The following PLA2G2A variants were observed in gnomAD, a reference collection of about 807,000 sequenced individuals.
The protein encoded by PLA2G2A is phospholipase A2 group IIA, also known as phospholipase A2, membrane associated.
A neutral mutation model predicts 11.2 loss-of-function variants in PLA2G2A; 6 were observed. That is an observed-to-expected ratio of 0.54 (90% CI 0.29 to 1.06). PLA2G2A has a LOEUF of 1.06. PLA2G2A is among the 50% of genes least tolerant of loss of function. PLA2G2A has a pLI of 0.08. For missense variants in PLA2G2A, 133 were observed against 177.1 expected, an observed-to-expected ratio of 0.75 and a Z score of 1.41; for synonymous variants, 69 against 65.8, an observed-to-expected ratio of 1.05 and a Z score of -0.23.
chr1:19,978,718 C>T lies in PLA2G2A; in HGVS notation c.40+16G>A, dbSNP rs748028386. ...GGGCTGTCCCCCCATGCTCAGAGGT[C>T]AGGGTCAGCTCTTACCAAAGATCAT... On this transcript the variant is annotated intron_variant, in intron 2 of 4. Coordinates refer to ENST00000482011, the Ensembl canonical transcript of PLA2G2A. The T allele has an allele frequency of 6.2e-7, 1 of 1,613,928 alleles. No homozygotes were observed. The highest frequency in any genetic ancestry group is 8.5e-7 in the Non-Finnish European group (1 of 1,179,812).
Position 19,978,364 on chromosome 1 carries a change from G to A in PLA2G2A, c.185+16C>T, listed in dbSNP as rs2307246. The A allele has an allele frequency of 0.21, 330,354 of 1,608,878 alleles. 36,779 individuals carry two copies. The highest frequency in any genetic ancestry group is 0.23 in the Non-Finnish European group (271,636 of 1,177,626). Reference sequence around the variant, plus strand: ...GGCCAGAGTCTAGGAGGGTAGGGAGGGATAGGTGGCCTCACCGATCCGTTG... The same window carrying A: ...GGCCAGAGTCTAGGAGGGTAGGGAGAGATAGGTGGCCTCACCGATCCGTTG... On this transcript the variant is annotated intron_variant, in intron 3 of 4. Coordinates refer to ENST00000482011, the Ensembl canonical transcript of PLA2G2A.
Position 19,977,627 on chromosome 1 carries a change from C to T in PLA2G2A, c.292+388G>A, listed in dbSNP as rs142075138. 2.4e-4 allele frequency among the ~76,000 whole-genome samples: 37 copies of T among 152,338 alleles called. 1 individual carries two copies. In the East Asian group the frequency reaches 7.2e-3, roughly 29 times the overall value. ...CCTTCCTATGTCTCCAGCATCATGG[C>T]TCAGCACTGCTCCTCTTCCTCATGT... On this transcript the variant is annotated intron_variant, in intron 4 of 4. Coordinates refer to ENST00000482011, the Ensembl canonical transcript of PLA2G2A.
intron 4 of PLA2G2A, among the ~76,000 whole-genome samples, chr1:19,977,454 C>A (rs200280864): frequency 6.6e-6 from 1 of 152,214 alleles, no homozygotes; most frequent in African/African-American, 2.4e-5. Flanking sequence ...TCTCTGCCCC[C>A]CTTCCACTTG....
At chr1:19,976,616 A>G (rs757332096) in intron 4 of PLA2G2A, among the ~76,000 whole-genome samples, 42 of 152,208 alleles carry the variant, frequency 2.8e-4, no homozygotes, top group Non-Finnish European at 4.6e-4. Context: ...GATGGGAGAC[A>G]TAATTTCTGA....
intron 4 of PLA2G2A, among the ~76,000 whole-genome samples, chr1:19,977,459 C>T (rs1227502751): frequency 2.0e-5 from 3 of 152,230 alleles, no homozygotes; most frequent in Non-Finnish European, 4.4e-5. Flanking sequence ...GCCCCCCTTC[C>T]ACTTGTCTCC....
Position 19,978,518 on chromosome 1 carries a change from AG to A in PLA2G2A, c.46del (p.Leu16CysfsTer8), listed in dbSNP as rs748650954. The A allele has an allele frequency of 7.4e-6, 12 of 1,613,490 alleles. No homozygotes were observed. The highest frequency in any genetic ancestry group is 1.3e-5 in the African/African-American group (1 of 74,920). On this transcript the variant is annotated frameshift_variant, in exon 3 of 5. Transcript: ENST00000482011. LOFTEE classifies it high-confidence loss of function. The stretch of plus-strand genomic sequence containing the variant: ...ATTCACCAAATTCCCATGGGCCTGC[AG>A]TAGGCCTGGAAGGAAATTTGGGAGT...
exon 2 of PLA2G2A, chr1:19,978,745 A>G: frequency 6.2e-7 from 1 of 1,614,118 alleles, no homozygotes. Flanking sequence ...AAAGATCATG[A>G]TCACTGCCAA....
At position 19,978,097 on chromosome 1, in the gene PLA2G2A, G is replaced by GC. The variant is rs780362171; in HGVS notation, c.209dup (p.Cys70TrpfsTer20). ...ATCCACGTTTCTCCAGACGTTTGTA[G>GC]CAACAGTCATGAGTGACACAGCAGC... On this transcript the variant is annotated frameshift_variant, in exon 4 of 5. Transcript: ENST00000482011. LOFTEE classifies it high-confidence loss of function. 6.6e-5 allele frequency: 106 copies of GC among 1,613,496 alleles called. No individual in the cohort carries two copies. The highest frequency in any genetic ancestry group is 8.5e-5 in the Non-Finnish European group (100 of 1,179,512).
At chr1:19,978,308 G>T (rs2046251358) in intron 3 of PLA2G2A, 72 bp downstream of exon 3, 1 of 1,562,678 alleles carries the variant, frequency 6.4e-7, no homozygotes, top group Admixed American at 1.7e-5. Flanking sequence ...TCAGGAACCG[G>T]CACTGTCTTT....
exon 4 of PLA2G2A, chr1:19,978,112 G>T (rs544856016): frequency 1.9e-6 from 3 of 1,611,922 alleles, no homozygotes; most frequent in South Asian, 2.2e-5. Context: ...AGTCATGAGT[G>T]ACACAGCAGC....
At position 19,975,861 on chromosome 1, in the gene PLA2G2A, T is replaced by A. The variant is rs776253119; in HGVS notation, c.293-18A>T. 4 of 1,611,506 alleles carry A rather than the reference T, an allele frequency of 2.5e-6. No homozygotes were observed. The highest frequency in any genetic ancestry group is 3.3e-5 in the Admixed American group (2 of 59,980). On this transcript the variant is annotated intron_variant, in intron 4 of 4. Coordinates refer to ENST00000482011, the Ensembl canonical transcript of PLA2G2A. ...CTGTTTTGCTGAAATCATAAGAAAA[T>A]AAACACAAGATGGGAGTTTATTAAT...
At chr1:19,977,571 G>A (rs900868652) in intron 4 of PLA2G2A, among the ~76,000 whole-genome samples, 1 of 152,196 alleles carries the variant, frequency 6.6e-6, no homozygotes, top group Non-Finnish European at 1.5e-5. Flanking sequence ...CCTAAATACA[G>A]CCCGGCCTGG....
At chr1:19,977,304 C>T (rs2046234096) in intron 4 of PLA2G2A, among the ~76,000 whole-genome samples, 1 of 152,158 alleles carries the variant, frequency 6.6e-6, no homozygotes, top group Admixed American at 6.5e-5. Flanking sequence ...CTCCCTCTCC[C>T]CATCCCTCCC....
downstream of PLA2G2A, chr1:19,975,592 G>T: frequency 2.0e-6 from 2 of 1,005,114 alleles, no homozygotes; most frequent in Non-Finnish European, 3.2e-6. Context: ...CCTCTAGGAT[G>T]GGTGAGGGAT....
Position 19,978,078 on chromosome 1 carries a change from G to C in PLA2G2A, c.229C>G (p.Arg77Gly), listed in dbSNP as rs779263473. ...CTCAGAAATTTGGTGCCACATCCAC[G>C]TTTCTCCAGACGTTTGTAGCAACAG... The change falls in exon 4 of 5, where the codon CGT becomes GGT. Residue 77 changes from arginine to glycine, a missense_variant. Arg to Gly is a moderately radical substitution (Grantham distance 125). Coordinates refer to ENST00000482011, the Ensembl canonical transcript of PLA2G2A. 30 of 1,613,892 alleles carry C rather than the reference G, an allele frequency of 1.9e-5. No individual in the cohort carries two copies. The South Asian group carries it at 3.0e-4, about 16-fold the overall frequency.
upstream of PLA2G2A, among the ~76,000 whole-genome samples, chr1:19,980,187 G>C (rs925009018): frequency 2.0e-5 from 3 of 152,178 alleles, no homozygotes; most frequent in Non-Finnish European, 4.4e-5. Context: ...GAGTTTAATG[G>C]GGGTGGATTT....
At chr1:19,979,473 A>G (rs2046272806) in intron 1 of PLA2G2A, 107 bp downstream of exon 1, 1 of 154,668 alleles carries the variant, frequency 6.5e-6, no homozygotes, top group Admixed American at 6.3e-5. Context: ...ACACCCTCTC[A>G]TACATATCAA....
chr1:19,978,988 C>T, intron 1 of PLA2G2A, 109 bp from the exon 2 acceptor site: 1 of 629,060 alleles, frequency 1.6e-6, no homozygotes, highest in South Asian at 1.8e-5. Context: ...CACACACACA[C>T]ACACACACAC....
At chr1:19,977,918 G>T in intron 4 of PLA2G2A, 97 bp downstream of exon 4, 1 of 814,136 alleles carries the variant, frequency 1.2e-6, no homozygotes, top group South Asian at 1.4e-5. Flanking sequence ...CCTGAAGCAG[G>T]AACTGTGTCC....
Sources: gnomAD v4.1 joint callset for allele counts (sites outside exome capture counted in the v4.1 genomes callset) on GRCh38, gnomAD v4.1.1 for gene constraint, MANE v1.5 for transcripts, NCBI Gene and HGNC (gene_info 2026-07-23, HGNC 2026-07-21) for gene names.